Variants in PRKG1 observed in about 807,000 individuals in gnomAD.
The protein encoded by PRKG1 is protein kinase cGMP-dependent 1, also known as cGMP-dependent protein kinase 1.
In PRKG1, 35 loss-of-function variants were observed where a neutral mutation model predicts 88.1. The observed-to-expected ratio is 0.40, with a 90% confidence interval of 0.30 to 0.53. PRKG1 has a LOEUF of 0.53. Ranked by LOEUF, PRKG1 falls within the 20% of genes least tolerant of loss-of-function variation. The pLI is 0.59. For missense variants in PRKG1, 540 were observed against 839.8 expected (o/e 0.64, Z 4.41); for synonymous variants, 303 against 292.5 (o/e 1.04, Z -0.37).
At chr10:52,130,800 A>G (rs894330060) in intron 7 of PRKG1, among the ~76,000 whole-genome samples, 1 of 152,222 alleles carries the variant, frequency 6.6e-6, no homozygotes, top group Non-Finnish European at 1.5e-5. Flanking sequence ...TTGAAAATAC[A>G]TTGCTTACAT....
intron 5 of PRKG1, among the ~76,000 whole-genome samples, chr10:51,941,657 T>C (rs1307762465): frequency 7.0e-6 from 1 of 142,402 alleles, no homozygotes; most frequent in Non-Finnish European, 1.5e-5. Context: ...CCTGTGTCCA[T>C]CTGTTCTCAT....
At chr10:51,969,973 T>C (rs1399440904) in intron 5 of PRKG1, among the ~76,000 whole-genome samples, 2 of 151,232 alleles carry the variant, frequency 1.3e-5, no homozygotes, top group African/African-American at 2.4e-5. Flanking sequence ...AATTTTACTC[T>C]GTTTGCTTTA....
chr10:51,599,520 T>C (rs1477172487), intron 3 of PRKG1, among the ~76,000 whole-genome samples: 1 of 152,230 alleles, frequency 6.6e-6, no homozygotes. Context: ...AGTATTGATT[T>C]AATTTTGGCC....
intron 2 of PRKG1, among the ~76,000 whole-genome samples, chr10:51,309,797 A>G (rs956652142): frequency 4.6e-5 from 7 of 152,228 alleles, no homozygotes; most frequent in African/African-American, 1.7e-4. Flanking sequence ...CTGCATTCAT[A>G]TGTTTATTGC....
At chr10:52,090,513 A>G (rs72634653) in intron 7 of PRKG1, among the ~76,000 whole-genome samples, 33,340 of 147,594 alleles carry the variant, frequency 0.23, 3,951 homozygotes, top group East Asian at 0.41. Flanking sequence ...AATAAGGGAA[A>G]TAGAAAATCA....
intron 5 of PRKG1, among the ~76,000 whole-genome samples, chr10:51,945,951 G>C (rs4304714): frequency 8.8e-5 from 13 of 147,394 alleles, no homozygotes; most frequent in Middle Eastern, 3.5e-3. Context: ...TGCTCTTCTC[G>C]AGGAGTATCT....
intron 9 of PRKG1, among the ~76,000 whole-genome samples, chr10:52,224,587 T>C (rs60386263): frequency 0.56 from 55,706 of 99,374 alleles, 16,576 homozygotes; most frequent in East Asian, 0.7. Flanking sequence ...TAGTCTATCC[T>C]TCGCCCCACC....
chr10:51,756,544 G>A (rs970833784), intron 3 of PRKG1, among the ~76,000 whole-genome samples: 10 of 150,622 alleles, frequency 6.6e-5, no homozygotes, highest in African/African-American at 2.0e-4. Context: ...GGCTGGGCAC[G>A]GTGGCTCATG....
intron 1 of PRKG1, among the ~76,000 whole-genome samples, chr10:51,075,628 G>T (rs992252926): frequency 6.6e-6 from 1 of 152,202 alleles, no homozygotes; most frequent in African/African-American, 2.4e-5. Flanking sequence ...CTCCCAAGAG[G>T]TGGTTGCTTG....
Position 51,423,021 on chromosome 10 carries a change from G to A in PRKG1, c.479-44702G>A, listed in dbSNP as rs138527563. ...CTAACCCTAAAAACACCAATGTACCGGTTCCTTACTTATAGAAGCCAAATA... is the reference window on the plus strand; with the variant it reads ...CTAACCCTAAAAACACCAATGTACCAGTTCCTTACTTATAGAAGCCAAATA... On this transcript the variant is annotated intron_variant, in intron 2 of 17. Coordinates refer to ENST00000373980, the MANE Select transcript of PRKG1 (RefSeq NM_006258.4). 1.4e-3 allele frequency among the ~76,000 whole-genome samples: 215 copies of A among 150,078 alleles called. 1 individual carries two copies. The highest frequency in any genetic ancestry group is 4.9e-3 in the African/African-American group (201 of 40,788).
At chr10:51,624,658 A>G (rs1839290795) in intron 3 of PRKG1, among the ~76,000 whole-genome samples, 1 of 152,250 alleles carries the variant, frequency 6.6e-6, no homozygotes, top group Non-Finnish European at 1.5e-5. Context: ...AGTTGTGGCC[A>G]CAGAGATGTT....
chr10:52,249,639 G>T (rs1841120564), intron 9 of PRKG1, among the ~76,000 whole-genome samples: 1 of 152,018 alleles, frequency 6.6e-6, no homozygotes, highest in African/African-American at 2.4e-5. Flanking sequence ...ATATGAAATG[G>T]TATCAAAATA....
At chr10:51,886,388 G>T (rs999699033) in intron 4 of PRKG1, among the ~76,000 whole-genome samples, 1 of 152,056 alleles carries the variant, frequency 6.6e-6, no homozygotes, top group African/African-American at 2.4e-5. Flanking sequence ...ATGGCAAAAG[G>T]ACTATTAGAA....
intron 7 of PRKG1, among the ~76,000 whole-genome samples, chr10:52,083,788 T>A (rs1336522659): frequency 1.3e-5 from 2 of 152,054 alleles, no homozygotes; most frequent in African/African-American, 4.8e-5. Context: ...GATGTAGATT[T>A]ATTTTATGTT....
At chr10:51,806,721 G>T (rs1313724020) in intron 4 of PRKG1, among the ~76,000 whole-genome samples, 2 of 152,144 alleles carry the variant, frequency 1.3e-5, no homozygotes, top group Non-Finnish European at 2.9e-5. Flanking sequence ...GTGGAGCACA[G>T]TTCCTGTTGC....
At chr10:51,629,818 T>C (rs1268281406) in intron 3 of PRKG1, among the ~76,000 whole-genome samples, 1 of 152,146 alleles carries the variant, frequency 6.6e-6, no homozygotes, top group Non-Finnish European at 1.5e-5. Context: ...GGAGTAATAC[T>C]CAAACTCTTT....
intron 1 of PRKG1, among the ~76,000 whole-genome samples, chr10:51,034,040 A>AT (rs1357849421): frequency 6.6e-6 from 1 of 152,196 alleles, no homozygotes; most frequent in Non-Finnish European, 1.5e-5. Flanking sequence ...AATTCAAATG[A>AT]TTAGAATTCA....
At chr10:51,287,706 G>C (rs1300563537) in intron 2 of PRKG1, among the ~76,000 whole-genome samples, 1 of 152,172 alleles carries the variant, frequency 6.6e-6, no homozygotes, top group Non-Finnish European at 1.5e-5. Context: ...TTTAAATGGG[G>C]AGAAGGGGGT....
chr10:51,913,982 G>T (rs534429657), intron 5 of PRKG1, among the ~76,000 whole-genome samples: 91 of 152,212 alleles, frequency 6.0e-4, no homozygotes, highest in African/African-American at 2.1e-3. Flanking sequence ...GAGAGTCTAG[G>T]ATGTACCTGG....
Sources: gnomAD v4.1 joint callset for allele counts (sites outside exome capture counted in the v4.1 genomes callset) on GRCh38, gnomAD v4.1.1 for gene constraint, MANE v1.5 for transcripts, NCBI Gene and HGNC (gene_info 2026-07-23, HGNC 2026-07-21) for gene names.